CDH20: variants seen among roughly 807,000 people sequenced by gnomAD.
CDH20 encodes cadherin-20.
In CDH20, 29 loss-of-function variants were observed where a neutral mutation model predicts 74.2. The ratio of observed to expected loss-of-function variants is 0.39; its 90% CI spans 0.29 to 0.53. CDH20 has a LOEUF of 0.53. Ranked by LOEUF, CDH20 falls within the 20% of genes least tolerant of loss-of-function variation. CDH20 has a pLI of 0.69. For synonymous variants in CDH20, 469 were observed against 405.4 expected (o/e 1.16, Z -1.88); for missense variants, 988 against 1,048.3 (o/e 0.94, Z 0.79).
At chr18:61,372,345 G>T (rs1911071840) in intron 1 of CDH20, among the ~76,000 whole-genome samples, 1 of 152,020 alleles carries the variant, frequency 6.6e-6, no homozygotes, top group South Asian at 2.1e-4. Flanking sequence ...CCTTTCAAAT[G>T]CTCAACTCAT....
At chr18:61,357,348 C>T (rs1245835970) in intron 1 of CDH20, among the ~76,000 whole-genome samples, 3 of 152,164 alleles carry the variant, frequency 2.0e-5, no homozygotes. Context: ...ATTCTAACCC[C>T]TAAACAAGCA....
chr18:61,411,123 C>A (rs1050122260), intron 1 of CDH20, among the ~76,000 whole-genome samples: 1 of 151,442 alleles, frequency 6.6e-6, no homozygotes, highest in Admixed American at 6.6e-5. Context: ...TGGCGTGAAC[C>A]GGAAGGCAGA....
chr18:61,488,403 G>T (rs1910842361), intron 1 of CDH20, among the ~76,000 whole-genome samples: 1 of 152,052 alleles, frequency 6.6e-6, no homozygotes, highest in African/African-American at 2.4e-5. Context: ...TATGACCCAG[G>T]TACTTTATCT....
chr18:61,479,672 C>G (rs561745778), intron 1 of CDH20, among the ~76,000 whole-genome samples: 1 of 152,090 alleles, frequency 6.6e-6, no homozygotes, highest in Admixed American at 6.6e-5. Context: ...ATTTTTCCCC[C>G]CTAATGCTCA....
At chr18:61,378,933 T>C (rs184793835) in intron 1 of CDH20, among the ~76,000 whole-genome samples, 3 of 152,198 alleles carry the variant, frequency 2.0e-5, no homozygotes, top group East Asian at 3.9e-4. Flanking sequence ...CTGCAAGTGA[T>C]TTAAGAAAAT....
At chr18:61,351,141 C>T (rs1705402020) in intron 1 of CDH20, among the ~76,000 whole-genome samples, 1 of 152,176 alleles carries the variant, frequency 6.6e-6, no homozygotes, top group African/African-American at 2.4e-5. Context: ...ACATGAGATG[C>T]AAACTCCCTA....
chr18:61,472,621 A>G (rs965963872), intron 1 of CDH20, among the ~76,000 whole-genome samples: 1 of 152,234 alleles, frequency 6.6e-6, no homozygotes, highest in African/African-American at 2.4e-5. Flanking sequence ...GAAATGTTCA[A>G]GATTGGTCAA....
At chr18:61,466,495 G>A (rs75780070) in intron 1 of CDH20, among the ~76,000 whole-genome samples, 1,711 of 152,244 alleles carry the variant, frequency 0.011, 31 homozygotes, top group African/African-American at 0.038. Flanking sequence ...ATTTCTTCAA[G>A]GGCCGTCTTG....
Position 61,491,485 on chromosome 18 carries a change from T to C in CDH20, c.246+686T>C, listed in dbSNP as rs114196167. Among the ~76,000 whole-genome samples, 627 of 152,318 alleles carry C rather than the reference T, an allele frequency of 4.1e-3. 5 individuals are homozygous for C. The highest frequency in any genetic ancestry group is 0.014 in the African/African-American group (592 of 41,572). The stretch of plus-strand genomic sequence containing the variant: ...ATAACTAATTCATTCAAATGGTAAC[T>C]TAAACGCTTGTTTAGCACAGAGGCT... On this transcript the variant is annotated intron_variant, in intron 2 of 11. Transcript: ENST00000262717.
chr18:61,428,709 A>G (rs959322987), intron 1 of CDH20, among the ~76,000 whole-genome samples: 2 of 152,194 alleles, frequency 1.3e-5, no homozygotes, highest in Non-Finnish European at 2.9e-5. Flanking sequence ...CTCTGCATAG[A>G]ATCACCACAT....
intron 1 of CDH20, among the ~76,000 whole-genome samples, chr18:61,394,700 C>T (rs1356172551): frequency 6.6e-6 from 1 of 152,128 alleles, no homozygotes; most frequent in East Asian, 1.9e-4. Context: ...ATGCTCACTG[C>T]TTTACCACTT....
intron 1 of CDH20, among the ~76,000 whole-genome samples, chr18:61,473,633 G>A (rs1304854427): frequency 6.6e-6 from 1 of 152,182 alleles, no homozygotes; most frequent in Non-Finnish European, 1.5e-5. Flanking sequence ...TGGTAATGCA[G>A]TTTCCACTAG....
chr18:61,482,908 G>A (rs1248447290), intron 1 of CDH20, among the ~76,000 whole-genome samples: 2 of 152,064 alleles, frequency 1.3e-5, no homozygotes, highest in Non-Finnish European at 2.9e-5. Context: ...GTTTTTATCT[G>A]GATTTCCTGC....
rs145512997 is a variant in CDH20, at chr18:61,364,015, A to G, written c.-153+30188A>G. Among the ~76,000 whole-genome samples the G allele has an allele frequency of 2.1e-3, 315 of 152,348 alleles. 1 individual carries two copies. Among genetic ancestry groups the G allele is most frequent in the Non-Finnish European group, 3.3e-3 (226 of 68,030 alleles). The stretch of plus-strand genomic sequence containing the variant: ...CTGTGCTGCTGAGTGAGGTGGTACC[A>G]GATACACTTGGAACTGCACCTTGAG... On this transcript the variant is annotated intron_variant, in intron 1 of 11. Coordinates refer to ENST00000262717, the MANE Select transcript of CDH20 (RefSeq NM_031891.4).
At chr18:61,361,105 T>C (rs758186350) in intron 1 of CDH20, among the ~76,000 whole-genome samples, 9 of 152,218 alleles carry the variant, frequency 5.9e-5, no homozygotes, top group Non-Finnish European at 1.2e-4. Flanking sequence ...CCCTGTATGG[T>C]GACTACAAGT....
At chr18:61,437,921 C>T (rs548865319) in intron 1 of CDH20, among the ~76,000 whole-genome samples, 131 of 152,188 alleles carry the variant, frequency 8.6e-4, no homozygotes, top group African/African-American at 3.1e-3. Context: ...CAGGGAATCT[C>T]GAAGTGGAAT....
intron 1 of CDH20, among the ~76,000 whole-genome samples, chr18:61,371,729 C>G (rs925872852): frequency 2.0e-5 from 3 of 151,924 alleles, no homozygotes; most frequent in African/African-American, 7.3e-5. Flanking sequence ...TTTTTCATAT[C>G]CTACAGCTAA....
chr18:61,521,169 G>C (rs1912193318), intron 6 of CDH20, among the ~76,000 whole-genome samples: 2 of 151,116 alleles, frequency 1.3e-5, no homozygotes, highest in South Asian at 2.1e-4. Context: ...AAAATAGATA[G>C]ATTGCTAGCC....
At position 61,370,282 on chromosome 18, in the gene CDH20, A is replaced by G. The variant is rs188644100; in HGVS notation, c.-153+36455A>G. 5.0e-3 allele frequency among the ~76,000 whole-genome samples: 763 copies of G among 152,154 alleles called. 7 individuals are homozygous for G. Among genetic ancestry groups the G allele is most frequent in the South Asian group, 0.021 (103 of 4,818 alleles). ...CATAGGGTATGGTGCTTACAAAGAC[A>G]CTATCCTAAGTTCATAGGATGCTTG... On this transcript the variant is annotated intron_variant, in intron 1 of 11. Coordinates refer to ENST00000262717, the MANE Select transcript of CDH20 (RefSeq NM_031891.4).
Sources: allele counts gnomAD v4.1 joint callset (sites outside exome capture counted in the v4.1 genomes callset), GRCh38; gene constraint gnomAD v4.1.1; transcripts MANE v1.5; gene names NCBI Gene and HGNC (gene_info 2026-07-23, HGNC 2026-07-21).